The following PTPRG variants were observed in gnomAD, a reference collection of about 807,000 sequenced individuals.
PTPRG encodes the protein protein tyrosine phosphatase receptor type G, also known as receptor-type tyrosine-protein phosphatase gamma.
PTPRG carries 102 observed loss-of-function variants against 165.3 expected under a neutral mutation model. That is an observed-to-expected ratio of 0.62 (90% CI 0.53 to 0.73). PTPRG has a LOEUF of 0.73. PTPRG is among the 30% of genes least tolerant of loss of function. PTPRG has a pLI of 0.00. For missense variants in PTPRG, 1,866 were observed against 1,861.4 expected (o/e 1.00, Z -0.05); for synonymous variants, 675 against 669.5 (o/e 1.01, Z -0.13).
At chr3:61,998,675 T>C (rs1034114510) in intron 3 of PTPRG, among the ~76,000 whole-genome samples, 10 of 152,252 alleles carry the variant, frequency 6.6e-5, no homozygotes, top group Non-Finnish European at 1.5e-4. Flanking sequence ...GCCACGGCTA[T>C]GGACTGTTGG....
intron 1 of PTPRG, among the ~76,000 whole-genome samples, chr3:61,710,047 TGA>T (rs1275265830): frequency 6.6e-6 from 1 of 152,186 alleles, no homozygotes; most frequent in African/African-American, 2.4e-5. Context: ...CAAGTTACTG[TGA>T]GAGTGTCTCA....
intron 2 of PTPRG, among the ~76,000 whole-genome samples, chr3:61,943,025 G>T (rs2039671361): frequency 6.6e-6 from 1 of 151,900 alleles, no homozygotes; most frequent in African/African-American, 2.4e-5. Context: ...TGCAGAATGG[G>T]GACTTTACGC....
In PTPRG at chr3:62,237,057, C is replaced by G. The variant is rs1261480410; in HGVS notation, c.2375+5746C>G. ...TTCTAATGTTCAGTCTTTCTGCACT[C>G]AAGTTCAGCACTTTGCTTCTGAAAA... On this transcript the variant is annotated intron_variant, in intron 14 of 29. Coordinates refer to ENST00000474889, the MANE Select transcript of PTPRG (RefSeq NM_002841.4). The surrounding 1 kb of genome is among the most constrained non-coding windows in gnomAD (Gnocchi z 4.5). Among the ~76,000 whole-genome samples, 1 of 152,158 alleles carries G rather than the reference C, an allele frequency of 6.6e-6. No homozygotes were observed. The highest frequency in any genetic ancestry group is 1.9e-4 in the East Asian group (1 of 5,192).
chr3:61,701,623 C>T (rs1338449118), intron 1 of PTPRG, among the ~76,000 whole-genome samples: 1 of 152,154 alleles, frequency 6.6e-6, no homozygotes, highest in Non-Finnish European at 1.5e-5. Flanking sequence ...GAAGGCTGGG[C>T]ACAGTGGCTC....
chr3:61,663,490 A>G (rs186486542), intron 1 of PTPRG, among the ~76,000 whole-genome samples: 1 of 152,306 alleles, frequency 6.6e-6, no homozygotes, highest in Admixed American at 6.5e-5. Context: ...TATTCAAAGC[A>G]GTAGTCCCCA....
chr3:62,102,062 CT>C (rs1257997349), intron 5 of PTPRG, among the ~76,000 whole-genome samples: 3 of 152,004 alleles, frequency 2.0e-5, no homozygotes, highest in Non-Finnish European at 2.9e-5. Context: ...GTATCTTCCC[CT>C]ATTGTTACCG....
At chr3:62,279,572 G>C (rs1702356992) in intron 26 of PTPRG, among the ~76,000 whole-genome samples, 1 of 151,976 alleles carries the variant, frequency 6.6e-6, no homozygotes, top group Non-Finnish European at 1.5e-5. Context: ...GTTACATTTA[G>C]ATGCCCTGTT....
chr3:62,216,894 T>G (rs564401536), intron 12 of PTPRG, among the ~76,000 whole-genome samples: 12 of 152,316 alleles, frequency 7.9e-5, no homozygotes, highest in African/African-American at 2.6e-4. Context: ...ACTCTCTGTT[T>G]GGCTAACTCC....
At chr3:61,778,894 C>G (rs1014738464) in intron 2 of PTPRG, among the ~76,000 whole-genome samples, 13 of 151,982 alleles carry the variant, frequency 8.6e-5, no homozygotes, top group African/African-American at 2.7e-4. Context: ...AGTGCAGACC[C>G]TGGAAGCAAA....
At position 62,000,251 on chromosome 3, in the gene PTPRG, A is replaced by T. The variant is rs187802545; in HGVS notation, c.371-3098A>T. On this transcript the variant is annotated intron_variant, in intron 3 of 29. Coordinates refer to ENST00000474889, the MANE Select transcript of PTPRG (RefSeq NM_002841.4). ...GGCGGTGATCACATCATTGCGCTCCAGCCTGGGCAACAGAGCGAGACTCTG... is the reference window on the plus strand; with the variant it reads ...GGCGGTGATCACATCATTGCGCTCCTGCCTGGGCAACAGAGCGAGACTCTG... Among the ~76,000 whole-genome samples the T allele has an allele frequency of 2.5e-3, 376 of 149,968 alleles. 2 individuals carry two copies. Among genetic ancestry groups the T allele is most frequent in the African/African-American group, 8.9e-3 (360 of 40,480 alleles).
chr3:61,876,153 C>A (rs761821023), intron 2 of PTPRG, among the ~76,000 whole-genome samples: 2 of 152,118 alleles, frequency 1.3e-5, no homozygotes, highest in Non-Finnish European at 2.9e-5. Flanking sequence ...GACAAAAATG[C>A]ATAACTGTAC....
At chr3:62,157,259 T>A in intron 7 of PTPRG, 35 bp downstream of exon 7, 1 of 1,603,524 alleles carries the variant, frequency 6.2e-7, no homozygotes, top group Non-Finnish European at 8.5e-7. Flanking sequence ...TTTCTGTGTT[T>A]ACTTGTTTTG....
At chr3:62,292,277 C>T (rs895499424) in intron 28 of PTPRG, 144 bp from the exon 29 acceptor site, 3 of 925,812 alleles carry the variant, frequency 3.2e-6, no homozygotes, top group African/African-American at 1.7e-5. Context: ...CCCTCCCCCA[C>T]CAGCATTTCA....
At chr3:62,282,490 A>C (rs1702487535) in intron 27 of PTPRG, among the ~76,000 whole-genome samples, 1 of 151,424 alleles carries the variant, frequency 6.6e-6, no homozygotes, top group African/African-American at 2.4e-5. Flanking sequence ...TTGGCCTCCC[A>C]AAGTACTGAA....
intron 11 of PTPRG, among the ~76,000 whole-genome samples, chr3:62,202,822 A>T (rs1316786039): frequency 2.0e-5 from 3 of 152,200 alleles, no homozygotes; most frequent in Non-Finnish European, 4.4e-5. Flanking sequence ...ACAGATGACC[A>T]TCTGATTTTT....
chr3:62,029,891 C>A (rs968520791), intron 4 of PTPRG, among the ~76,000 whole-genome samples: 1 of 152,168 alleles, frequency 6.6e-6, no homozygotes, highest in Non-Finnish European at 1.5e-5. Flanking sequence ...TATTGCCGGC[C>A]ACCTTCCACC....
intron 14 of PTPRG, among the ~76,000 whole-genome samples, chr3:62,241,983 GT>G (rs986867852): frequency 6.6e-6 from 1 of 152,176 alleles, no homozygotes; most frequent in Non-Finnish European, 1.5e-5. Context: ...CATAACCTGT[GT>G]TTTAACTTTA....
At chr3:61,742,039 T>C (rs1395951398) in intron 1 of PTPRG, among the ~76,000 whole-genome samples, 2 of 152,186 alleles carry the variant, frequency 1.3e-5, no homozygotes, top group African/African-American at 4.8e-5. Flanking sequence ...AAAACATCTA[T>C]GTCACGAATG....
chr3:62,135,279 A>G (rs1703664853), intron 6 of PTPRG, among the ~76,000 whole-genome samples: 1 of 151,866 alleles, frequency 6.6e-6, no homozygotes, highest in Non-Finnish European at 1.5e-5. Flanking sequence ...TCAAAAAAAA[A>G]AAAAAAAGAA....
Sources: gnomAD v4.1 joint callset for allele counts (sites outside exome capture counted in the v4.1 genomes callset) on GRCh38, gnomAD v4.1.1 for gene constraint, Gnocchi (gnomAD v3.1) non-coding constraint, MANE v1.5 for transcripts, NCBI Gene and HGNC (gene_info 2026-07-23, HGNC 2026-07-21) for gene names.